Variants in TDRD3 observed in about 807,000 individuals in gnomAD.
TDRD3 encodes the protein tudor domain-containing protein 3.
Under a neutral mutation model 86.7 loss-of-function variants are expected in TDRD3, and 45 were observed. The observed-to-expected ratio is 0.52, with a 90% CI of 0.41 to 0.67. TDRD3 has a LOEUF of 0.67. TDRD3 is among the 30% of genes least tolerant of loss of function. The pLI, the probability that TDRD3 is intolerant of heterozygous loss-of-function variation, is 0.00. For missense variants in TDRD3, 814 were observed against 889.0 expected (o/e 0.92, Z 1.07); for synonymous variants, 298 against 301.7 (o/e 0.99, Z 0.13).
chr13:60,514,902 G>A (rs529862313), intron 10 of TDRD3, among the ~76,000 whole-genome samples: 3 of 152,322 alleles, frequency 2.0e-5, no homozygotes, highest in Admixed American at 6.5e-5. Context: ...GACAATAGTT[G>A]TATGTGTTGT....
intron 5 of TDRD3, among the ~76,000 whole-genome samples, chr13:60,472,597 A>G (rs902644207): frequency 6.6e-6 from 1 of 152,196 alleles, no homozygotes; most frequent in Admixed American, 6.5e-5. Flanking sequence ...TGCTACAGAA[A>G]ACAGTATGGC....
chr13:60,561,871 TGTTGTTGTTG>T (rs1958341886), intron 12 of TDRD3, among the ~76,000 whole-genome samples: 1 of 150,154 alleles, frequency 6.7e-6, no homozygotes, highest in Non-Finnish European at 1.5e-5. Flanking sequence ...TTTTTGTTGT[TGTTGTTGTTG>T]TTGTTGTTGT....
chr13:60,415,783 G>A (rs1021647358), intron 1 of TDRD3, among the ~76,000 whole-genome samples: 2 of 152,150 alleles, frequency 1.3e-5, no homozygotes, highest in Non-Finnish European at 2.9e-5. Context: ...GCCATGAAAA[G>A]ATCAGATTTG....
At chr13:60,417,163 C>T (rs889895473) in intron 1 of TDRD3, among the ~76,000 whole-genome samples, 11 of 151,420 alleles carry the variant, frequency 7.3e-5, no homozygotes, top group African/African-American at 2.7e-4. Flanking sequence ...ACTACAGGCA[C>T]ACACCACCCC....
intron 8 of TDRD3, among the ~76,000 whole-genome samples, chr13:60,501,055 C>T (rs1170512863): frequency 6.6e-6 from 1 of 152,198 alleles, no homozygotes. Flanking sequence ...TTGGGGTGAT[C>T]AGCCAGCTAC....
chr13:60,572,613 C>T (rs1315236219), intron 13 of TDRD3, among the ~76,000 whole-genome samples: 5 of 152,140 alleles, frequency 3.3e-5, no homozygotes, highest in Non-Finnish European at 1.5e-5. Context: ...ATGTGTAAAG[C>T]AGTTAAATAA....
chr13:60,565,059 T>TA (rs1958420149), intron 12 of TDRD3, among the ~76,000 whole-genome samples: 1 of 135,380 alleles, frequency 7.4e-6, no homozygotes, highest in African/African-American at 2.8e-5. Flanking sequence ...TTTTTTTTTT[T>TA]TTTTTTTTTT....
At chr13:60,457,110 A>G (rs1955694322) in intron 3 of TDRD3, among the ~76,000 whole-genome samples, 1 of 152,206 alleles carries the variant, frequency 6.6e-6, no homozygotes, top group Admixed American at 6.5e-5. Context: ...TACAGAGTAT[A>G]AGAAACTGAA....
At chr13:60,524,041 C>G (rs756532876) in intron 10 of TDRD3, among the ~76,000 whole-genome samples, 8 of 151,382 alleles carry the variant, frequency 5.3e-5, no homozygotes, top group Non-Finnish European at 1.0e-4. Context: ...AGAAAAATAT[C>G]TTAGTATATT....
At chr13:60,548,555 G>T (rs1437085955) in intron 12 of TDRD3, among the ~76,000 whole-genome samples, 3 of 152,068 alleles carry the variant, frequency 2.0e-5, no homozygotes, top group African/African-American at 7.2e-5. Flanking sequence ...CATTATTAAA[G>T]ATTTTTTTAT....
intron 12 of TDRD3, among the ~76,000 whole-genome samples, chr13:60,555,882 G>A (rs561046471): frequency 1.5e-5 from 2 of 134,998 alleles, no homozygotes; most frequent in Non-Finnish European, 3.1e-5. Flanking sequence ...ATGGAATCTC[G>A]CTCTGTCGCC....
chr13:60,396,194 T>C (rs1487866196), upstream of TDRD3, among the ~76,000 whole-genome samples: 1 of 152,150 alleles, frequency 6.6e-6, no homozygotes, highest in Non-Finnish European at 1.5e-5. Flanking sequence ...GCGGCGGAGA[T>C]AGGGATTAAG....
intron 1 of TDRD3, among the ~76,000 whole-genome samples, chr13:60,423,340 CTTCGTTA>C (rs1954712623): frequency 6.6e-6 from 1 of 152,122 alleles, no homozygotes; most frequent in Non-Finnish European, 1.5e-5. Flanking sequence ...TAACAGGATA[CTTCGTTA>C]TACTGCTTTC....
intron 12 of TDRD3, among the ~76,000 whole-genome samples, chr13:60,540,861 T>G (rs1316569061): frequency 1.3e-5 from 2 of 152,176 alleles, no homozygotes; most frequent in Admixed American, 1.3e-4. Flanking sequence ...ATTTCATGTT[T>G]CATTTTTCTG....
At chr13:60,566,372 A>G (rs1309803878) in intron 12 of TDRD3, among the ~76,000 whole-genome samples, 1 of 152,096 alleles carries the variant, frequency 6.6e-6, no homozygotes, top group Non-Finnish European at 1.5e-5. Flanking sequence ...TTATCTTACC[A>G]TCTTTGTTTC....
At chr13:60,464,415 A>C (rs1173838759) in intron 4 of TDRD3, among the ~76,000 whole-genome samples, 2 of 152,176 alleles carry the variant, frequency 1.3e-5, no homozygotes, top group Non-Finnish European at 2.9e-5. Flanking sequence ...TATATTCAAA[A>C]GAAAGGAAGT....
In TDRD3 at chr13:60,426,127, A is replaced by G. The variant is rs75828902; in HGVS notation, c.42-13561A>G. On this transcript the variant is annotated intron_variant, in intron 1 of 13. Coordinates refer to ENST00000377881, the MANE Select transcript of TDRD3 (RefSeq NM_001146070.2). ...AAGGAGATCCTGCCGTTTCTCACCC[A>G]TGAATGGACCTATAGGATGTTATGC... is the stretch of plus-strand genomic sequence containing the variant. Among the ~76,000 whole-genome samples the G allele has an allele frequency of 5.9e-5, 9 of 152,300 alleles. No homozygotes were observed. The East Asian group carries it at 1.4e-3, about 23-fold the overall frequency.
intron 10 of TDRD3, among the ~76,000 whole-genome samples, chr13:60,517,060 A>G (rs1471555047): frequency 1.3e-5 from 2 of 152,354 alleles, no homozygotes; most frequent in Non-Finnish European, 2.9e-5. Flanking sequence ...AACAGAATAT[A>G]TAGATGTAAA....
chr13:60,400,231 C>G (rs1327031144), intron 1 of TDRD3, among the ~76,000 whole-genome samples: 3 of 152,148 alleles, frequency 2.0e-5, no homozygotes, highest in Non-Finnish European at 4.4e-5. Flanking sequence ...TTTACTCACT[C>G]TGCATTTTTG....
Sources: allele counts gnomAD v4.1 joint callset (sites outside exome capture counted in the v4.1 genomes callset), GRCh38; gene constraint gnomAD v4.1.1; transcripts MANE v1.5; gene names NCBI Gene and HGNC (gene_info 2026-07-23, HGNC 2026-07-21).